Variants in SLC12A1 observed in about 807,000 individuals in gnomAD.
SLC12A1 encodes the protein Na-K-2Cl cotransporter.
A neutral mutation model predicts 130.4 loss-of-function variants in SLC12A1; 89 were observed. The observed-to-expected ratio is 0.68, with a 90% CI of 0.58 to 0.81. The LOEUF is 0.81. SLC12A1 is among the 40% of genes least tolerant of loss of function. The pLI, the probability that SLC12A1 is intolerant of heterozygous loss-of-function variation, is 0.00. For missense variants in SLC12A1, 1,310 were observed against 1,336.4 expected (o/e 0.98, Z 0.31); for synonymous variants, 499 against 460.0 (o/e 1.08, Z -1.09).
At chr15:48,295,273 T>C (rs573311351) in intron 24 of SLC12A1, among the ~76,000 whole-genome samples, 3 of 152,290 alleles carry the variant, frequency 2.0e-5, no homozygotes, top group East Asian at 3.9e-4. Flanking sequence ...CTAAGCATTA[T>C]CAATGTTTGC....
intron 15 of SLC12A1, 32 bp downstream of exon 15, chr15:48,251,802 C>T: frequency 6.3e-7 from 1 of 1,598,548 alleles, no homozygotes; most frequent in Non-Finnish European, 8.6e-7. Flanking sequence ...ATAGCGTTTC[C>T]AAATCTCTCT....
intron 20 of SLC12A1, among the ~76,000 whole-genome samples, chr15:48,280,244 C>A (rs1224337349): frequency 6.6e-6 from 1 of 151,132 alleles, no homozygotes; most frequent in Non-Finnish European, 1.5e-5. Context: ...AAAAAATAAT[C>A]ACTCCAACTG....
chr15:48,226,920 G>A (rs1352715224), intron 5 of SLC12A1: 4 of 615,112 alleles, frequency 6.5e-6, no homozygotes, highest in Non-Finnish European at 1.2e-5. Flanking sequence ...TACATTTCAG[G>A]TGCTTCCTAG....
intron 18 of SLC12A1, among the ~76,000 whole-genome samples, chr15:48,268,618 G>A (rs1011651811): frequency 1.4e-4 from 21 of 152,116 alleles, no homozygotes; most frequent in Non-Finnish European, 1.0e-4. Context: ...TTTCCCTTAA[G>A]AACACTTGCG....
chr15:48,225,846 A>C, intron 4 of SLC12A1: 1 of 965,572 alleles, frequency 1.0e-6, no homozygotes, highest in African/African-American at 1.8e-5. Context: ...TCCTCTTTCA[A>C]CTGAGGTCTT....
At chr15:48,257,065 C>T (rs977600375) in intron 16 of SLC12A1, among the ~76,000 whole-genome samples, 3 of 152,150 alleles carry the variant, frequency 2.0e-5, no homozygotes, top group African/African-American at 7.2e-5. Flanking sequence ...GAGAAATTGG[C>T]CAAAACAAAG....
chr15:48,286,949 C>G (rs7174204), intron 21 of SLC12A1, among the ~76,000 whole-genome samples: 37,389 of 152,002 alleles, frequency 0.25, 5,356 homozygotes, highest in East Asian at 0.41. Flanking sequence ...CCTCAGCGGT[C>G]CCAGGGATGT....
At chr15:48,229,118 G>C in intron 5 of SLC12A1, 71 bp from the exon 6 acceptor site, 8 of 1,452,504 alleles carry the variant, frequency 5.5e-6, no homozygotes, top group Non-Finnish European at 5.6e-6. Context: ...AATGTTCTCA[G>C]ATAGTCACAA....
Position 48,298,853 on chromosome 15 carries a change from A to C in SLC12A1, c.2961-287A>C, listed in dbSNP as rs567131750. Among the ~76,000 whole-genome samples, 89 of 152,214 alleles carry C rather than the reference A, an allele frequency of 5.8e-4. 1 individual carries two copies. The highest frequency in any genetic ancestry group is 1.1e-3 in the Non-Finnish European group (76 of 68,034). On this transcript the variant is annotated intron_variant, in intron 24 of 26. Transcript: ENST00000380993. Reference sequence around the variant, plus strand: ...CAGAACAATTACTACCTATGTGTATATGTGTTAATATTGTAAGTATGTATG... The same window carrying C: ...CAGAACAATTACTACCTATGTGTATCTGTGTTAATATTGTAAGTATGTATG...
intron 14 of SLC12A1, among the ~76,000 whole-genome samples, 180 bp downstream of exon 14, chr15:48,249,856 C>T (rs1222248184): frequency 1.3e-5 from 2 of 152,182 alleles, no homozygotes; most frequent in African/African-American, 4.8e-5. Context: ...GAAAAAGAAT[C>T]ATTTGAGCAA....
rs891514762 is a variant in SLC12A1, at chr15:48,229,900, A to G, written c.865-493A>G. Reference sequence around the variant, plus strand: ...TTCACTGAATTCAATTGGTAAAAGTACTTCTATTTAAAAATTAGATAAATA... The same window carrying G: ...TTCACTGAATTCAATTGGTAAAAGTGCTTCTATTTAAAAATTAGATAAATA... On this transcript the variant is annotated intron_variant, in intron 6 of 26. Coordinates refer to ENST00000380993, the MANE Select transcript of SLC12A1 (RefSeq NM_000338.3). Among the ~76,000 whole-genome samples the G allele has an allele frequency of 2.3e-4, 35 of 152,330 alleles. 1 individual carries two copies. Among genetic ancestry groups the G allele is most frequent in the Non-Finnish European group, 1.5e-5 (1 of 68,014 alleles).
intron 26 of SLC12A1, among the ~76,000 whole-genome samples, chr15:48,302,416 C>A (rs1038730918): frequency 1.3e-5 from 2 of 150,574 alleles, no homozygotes; most frequent in Non-Finnish European, 3.0e-5. Flanking sequence ...GTCAGGAGAT[C>A]GAGACCATCC....
At chr15:48,285,599 A>G (rs2042048558) in intron 21 of SLC12A1, among the ~76,000 whole-genome samples, 1 of 152,256 alleles carries the variant, frequency 6.6e-6, no homozygotes, top group Non-Finnish European at 1.5e-5. Flanking sequence ...TGTCTTATCC[A>G]CAGACACCCT....
chr15:48,215,262 T>A (rs1264063257), intron 2 of SLC12A1, among the ~76,000 whole-genome samples: 1 of 152,210 alleles, frequency 6.6e-6, no homozygotes, highest in Non-Finnish European at 1.5e-5. Flanking sequence ...CCCTTTAAAC[T>A]GCATGTGATT....
chr15:48,234,054 T>A (rs1192321466), intron 8 of SLC12A1, among the ~76,000 whole-genome samples: 1 of 152,032 alleles, frequency 6.6e-6, no homozygotes, highest in African/African-American at 2.4e-5. Flanking sequence ...TATCTAGGAG[T>A]AAAAAGTAAA....
intron 18 of SLC12A1, 121 bp downstream of exon 18, chr15:48,267,822 G>C (rs2041849395): frequency 1.9e-6 from 2 of 1,029,356 alleles, no homozygotes; most frequent in Admixed American, 4.5e-5. Flanking sequence ...AGTGCAGATG[G>C]TTAAGGGATT....
In SLC12A1 at chr15:48,267,712, A is replaced by T; in HGVS notation, c.2295+11A>T. 1 of 1,612,906 alleles carries T rather than the reference A, an allele frequency of 6.2e-7. No homozygotes were observed. Among genetic ancestry groups the T allele is most frequent in the Non-Finnish European group, 8.5e-7 (1 of 1,179,140 alleles). ...CGAAGTCTTCTTCAGGTAAGGCTGC[A>T]TTGAGGGAATGAGCACAGAGGCAAA... is the stretch of plus-strand genomic sequence containing the variant. On this transcript the variant is annotated intron_variant, in intron 18 of 26. Transcript: ENST00000380993.
intron 5 of SLC12A1, chr15:48,227,290 A>C: frequency 1.2e-6 from 1 of 803,240 alleles, no homozygotes; most frequent in South Asian, 1.7e-5. Context: ...GTCCTAAACA[A>C]AATAACCCAA....
chr15:48,253,640 T>G (rs2041671984), intron 15 of SLC12A1, among the ~76,000 whole-genome samples: 1 of 152,246 alleles, frequency 6.6e-6, no homozygotes, highest in Non-Finnish European at 1.5e-5. Flanking sequence ...CAGCACTTTA[T>G]GTGGACTTAT....
Sources: allele counts gnomAD v4.1 joint callset (sites outside exome capture counted in the v4.1 genomes callset), GRCh38; gene constraint gnomAD v4.1.1; transcripts MANE v1.5; gene names NCBI Gene and HGNC (gene_info 2026-07-23, HGNC 2026-07-21).